The following TEAD3 variants were observed in gnomAD, a reference collection of about 807,000 sequenced individuals.
The protein encoded by TEAD3 is transcriptional enhancer factor TEF-5.
TEAD3 carries 15 observed loss-of-function variants against 55.6 expected under a neutral mutation model. The observed-to-expected ratio is 0.27, with a 90% CI of 0.18 to 0.42. The LOEUF (loss-of-function observed/expected upper bound fraction) is 0.42, where lower values mean the gene tolerates loss of function less well. Ranked by LOEUF, TEAD3 falls within the 10% of genes least tolerant of loss-of-function variation. The probability of loss-of-function intolerance (pLI) is 1.00; values close to 1 mark genes in which losing one functional copy is unlikely to be tolerated. For missense variants in TEAD3, 407 were observed against 576.8 expected (o/e 0.71, Z 3.01); for synonymous variants, 210 against 232.2 (o/e 0.90, Z 0.87).
In TEAD3 at chr6:35,484,732, C is replaced by T; in HGVS notation, c.203-108G>A. ...CTCCAGGACCCTCCCCAAAACACTGCTCTTCTGTTCCTCACTCTCTTCACC... is the reference window on the plus strand; with the variant it reads ...CTCCAGGACCCTCCCCAAAACACTGTTCTTCTGTTCCTCACTCTCTTCACC... On this transcript the variant is annotated intron_variant, in intron 2 of 12. Coordinates refer to ENST00000639578, the Ensembl canonical transcript of TEAD3. The surrounding 1 kb of genome is among the most constrained non-coding windows in gnomAD (Gnocchi z 5.8). The T allele has an allele frequency of 1.1e-6, 1 of 939,186 alleles. No individual in the cohort carries two copies. Among genetic ancestry groups the T allele is most frequent in the Non-Finnish European group, 1.7e-6 (1 of 599,470 alleles). 58.2% of individuals were successfully genotyped at this position (939,186 alleles called of 1,614,324 possible).
rs751492433 is a variant in TEAD3, at chr6:35,483,711, G to A, written c.267+849C>T. 1.1e-4 allele frequency among the ~76,000 whole-genome samples: 16 copies of A among 152,126 alleles called. No individual in the cohort carries two copies. The highest frequency in any genetic ancestry group is 1.8e-4 in the Non-Finnish European group (12 of 67,976). On this transcript the variant is annotated intron_variant, in intron 3 of 12. Coordinates refer to ENST00000639578, the Ensembl canonical transcript of TEAD3. The surrounding 1 kb of genome is among the most constrained non-coding windows in gnomAD (Gnocchi z 4.5). ...GCTCCATACCCTCCTGTAGCCCACC[G>A]CTGCCCCTTGGGGAACCTGTCCCCC... is the stretch of plus-strand genomic sequence containing the variant.
chr6:35,487,605 C>A (rs1452596839), intron 1 of TEAD3, among the ~76,000 whole-genome samples: 1 of 150,066 alleles, frequency 6.7e-6, no homozygotes, highest in Non-Finnish European at 1.5e-5. Context: ...CTCCTGCAAT[C>A]CTAGCTACTC....
Position 35,475,201 on chromosome 6 carries a change from AGGGCCAC to A in TEAD3, c.1195-51_1195-45del. On this transcript the variant is annotated intron_variant, in intron 12 of 12. Coordinates refer to ENST00000639578, the Ensembl canonical transcript of TEAD3. The surrounding 1 kb of genome is among the most constrained non-coding windows in gnomAD (Gnocchi z 5.4). ...AGAGATTCAGGAGGTCAGGGAGAAA[AGGGCCAC>A]GGGGCAGGGGGCTGAACAGACCATT... The A allele has an allele frequency of 6.4e-7, 1 of 1,568,116 alleles. No individual in the cohort carries two copies. Among genetic ancestry groups the A allele is most frequent in the Non-Finnish European group, 8.7e-7 (1 of 1,155,002 alleles).
Position 35,475,013 on chromosome 6 carries a change from C to T in TEAD3, c.*31G>A. On this transcript the variant is annotated 3_prime_UTR_variant, in exon 13 of 13. Transcript: ENST00000639578. The surrounding 1 kb of genome is among the most constrained non-coding windows in gnomAD (Gnocchi z 5.4). ...GCAGGTGTGGAGAGGAGATGCTCAC[C>T]CTGCATCCTTAAGGAGGCGCAGAGG... The T allele has an allele frequency of 6.7e-7, 1 of 1,496,772 alleles. No individual in the cohort carries two copies. Among genetic ancestry groups the T allele is most frequent in the Non-Finnish European group, 9.0e-7 (1 of 1,112,110 alleles). 92.7% of individuals were successfully genotyped at this position (1,496,772 alleles called of 1,614,324 possible).
chr6:35,477,687 G>C (rs541181142), intron 7 of TEAD3, among the ~76,000 whole-genome samples: 12 of 143,024 alleles, frequency 8.4e-5, no homozygotes, highest in South Asian at 2.2e-4. Context: ...TGAAGAACCA[G>C]CACACTTGAC....
rs1315728351 is a variant in TEAD3, at chr6:35,484,059, T to C, written c.267+501A>G. On this transcript the variant is annotated intron_variant, in intron 3 of 12. Transcript: ENST00000639578. The surrounding 1 kb of genome is among the most constrained non-coding windows in gnomAD (Gnocchi z 5.8). The stretch of plus-strand genomic sequence containing the variant: ...GAACTCCCATTCCTTCTTAAAAATA[T>C]ATCCCGAGTGTCACCTCCTCCAGGG... 6.6e-6 allele frequency among the ~76,000 whole-genome samples: 1 copy of C among 152,168 alleles called. No homozygotes were observed. The highest frequency in any genetic ancestry group is 2.4e-5 in the African/African-American group (1 of 41,444).
exon 4 of TEAD3, chr6:35,480,082 C>G (rs746066429): frequency 6.5e-7 from 1 of 1,533,388 alleles, no homozygotes; most frequent in African/African-American, 1.4e-5. Flanking sequence ...CTGAATCTCC[C>G]GAGATTTCCG....
chr6:35,486,655 G>C lies in TEAD3; in HGVS notation c.8C>G (p.Ser3Cys). 6.2e-7 allele frequency: 1 copy of C among 1,612,534 alleles called. No individual in the cohort carries two copies. The highest frequency in any genetic ancestry group is 8.5e-7 in the Non-Finnish European group (1 of 1,179,734). Residue 3 changes from serine (S) to cysteine (C), a missense_variant, in exon 2 of 13, where the codon TCC (serine) becomes TGC (cysteine). Physicochemically the swap from Ser to Cys is moderately radical, Grantham distance 112 (BLOSUM62 -1). Transcript: ENST00000639578. This position sits in a 1 kb window ranked among gnomAD's most constrained non-coding sequence, Gnocchi z 7.3. ...GCTGCTGCTGGCGTTCCAGCTGTTG[G>C]ACGCTATTGTGCTGGTTGCTCTGGG...
At chr6:35,477,171 G>A (rs1768165540) in intron 8 of TEAD3, 140 bp downstream of exon 8, 1 of 823,414 alleles carries the variant, frequency 1.2e-6, no homozygotes. Flanking sequence ...ACAAGGTAAA[G>A]GGGCTATTCC....
intron 1 of TEAD3, among the ~76,000 whole-genome samples, chr6:35,490,780 C>A (rs1768498969): frequency 6.6e-6 from 1 of 152,182 alleles, no homozygotes; most frequent in Admixed American, 6.5e-5. Context: ...GAGGCTATGG[C>A]TCCCTGGACA....
rs1487516808 is a variant in TEAD3 at position 35,485,215 on chromosome 6, G to A, written c.203-591C>T. Among the ~76,000 whole-genome samples, 4 of 152,174 alleles carry A rather than the reference G, an allele frequency of 2.6e-5. No homozygotes were observed. Among genetic ancestry groups the A allele is most frequent in the African/African-American group, 7.2e-5 (3 of 41,428 alleles). On this transcript the variant is annotated intron_variant, in intron 2 of 12. Coordinates refer to ENST00000639578, the Ensembl canonical transcript of TEAD3. This position sits in a 1 kb window ranked among gnomAD's most constrained non-coding sequence, Gnocchi z 4.3. The stretch of plus-strand genomic sequence containing the variant: ...CCTCCAATGTGCCTCCTACACTGGC[G>A]GCCTGTGTCAAGATGTGTCACTGAG...
intron 1 of TEAD3, among the ~76,000 whole-genome samples, chr6:35,493,375 G>A (rs762417771): frequency 6.6e-6 from 1 of 151,948 alleles, no homozygotes; most frequent in Middle Eastern, 3.4e-3. Context: ...CCTCCTACAC[G>A]CCCTGCCTGG....
chr6:35,477,747 A>G (rs1768180781), intron 7 of TEAD3, among the ~76,000 whole-genome samples: 1 of 152,012 alleles, frequency 6.6e-6, no homozygotes, highest in Admixed American at 6.6e-5. Flanking sequence ...GCAGAAAGTA[A>G]ACAAAGAGAT....
Position 35,488,903 on chromosome 6 carries a change from G to A in TEAD3, c.-49-2192C>T, listed in dbSNP as rs549255214. On this transcript the variant is annotated intron_variant, in intron 1 of 12. Transcript: ENST00000639578. This position sits in a 1 kb window ranked among gnomAD's most constrained non-coding sequence, Gnocchi z 4.2. ...CGCACCTGTAGCTGGGATTACAGGCGCATGCCACCATGCCCAGATAATTTT... is the reference window on the plus strand; with the variant it reads ...CGCACCTGTAGCTGGGATTACAGGCACATGCCACCATGCCCAGATAATTTT... 2.6e-5 allele frequency among the ~76,000 whole-genome samples: 4 copies of A among 152,032 alleles called. No individual in the cohort carries two copies. The highest frequency in any genetic ancestry group is 9.6e-5 in the African/African-American group (4 of 41,486).
rs1276693451 is a variant in TEAD3 at position 35,483,090 on chromosome 6, C to T, written c.267+1470G>A. Among the ~76,000 whole-genome samples the T allele has an allele frequency of 6.6e-6, 1 of 152,200 alleles. No individual in the cohort carries two copies. The highest frequency in any genetic ancestry group is 2.4e-5 in the African/African-American group (1 of 41,460). On this transcript the variant is annotated intron_variant, in intron 3 of 12. Coordinates refer to ENST00000639578, the Ensembl canonical transcript of TEAD3. This position sits in a 1 kb window ranked among gnomAD's most constrained non-coding sequence, Gnocchi z 4.5. ...AGGGCTCCAGGGGACAGGGCTCTGG[C>T]GCACGCCTCCATGTGGTATCCCTGG...
exon 8 of TEAD3, chr6:35,477,320 T>C (rs1468299524): frequency 1.9e-6 from 3 of 1,608,216 alleles, no homozygotes; most frequent in Admixed American, 1.7e-5. Context: ...CTGCTGAGCG[T>C]CGGCGGCAGG....
chr6:35,475,528 C>G lies in TEAD3; in HGVS notation c.1041+38G>C, dbSNP rs185887943. 1 of 1,604,194 alleles carries G rather than the reference C, an allele frequency of 6.2e-7. No individual in the cohort carries two copies. The highest frequency in any genetic ancestry group is 1.7e-5 in the Admixed American group (1 of 59,672). ...GAGAAGGCGTCACTCGGCCTGCCTG[C>G]TCCCAGCCCCACCAAGCCACCCAGA... On this transcript the variant is annotated intron_variant, in intron 11 of 12. Transcript: ENST00000639578. This position sits in a 1 kb window ranked among gnomAD's most constrained non-coding sequence, Gnocchi z 5.4.
rs141531789 is a variant in TEAD3 at position 35,479,091 on chromosome 6, G to T, written c.342+214C>A. On this transcript the variant is annotated intron_variant, in intron 5 of 12. Coordinates refer to ENST00000639578, the Ensembl canonical transcript of TEAD3. ...GACGGAGTTTCACCATGTTGGTCAG[G>T]CTGGTCTCGATCCCCTGACCTTGTG... Among the ~76,000 whole-genome samples, 82 of 152,160 alleles carry T rather than the reference G, an allele frequency of 5.4e-4. No individual in the cohort carries two copies. In the East Asian group the frequency reaches 0.012, roughly 22 times the overall value.
chr6:35,480,525 G>T (rs1403536094), intron 3 of TEAD3, among the ~76,000 whole-genome samples, 151 bp from the exon 4 acceptor site: 2 of 152,194 alleles, frequency 1.3e-5, no homozygotes, highest in African/African-American at 4.8e-5. Context: ...TTGAAACAGG[G>T]TTTATGTTGC....
Sources: allele counts gnomAD v4.1 joint callset (sites outside exome capture counted in the v4.1 genomes callset), GRCh38; gene constraint gnomAD v4.1.1; non-coding constraint Gnocchi (gnomAD v3.1); transcripts MANE v1.5; gene names NCBI Gene and HGNC (gene_info 2026-07-23, HGNC 2026-07-21).